The following PDE11A variants were observed in gnomAD, a reference collection of about 807,000 sequenced individuals.
PDE11A encodes dual 3',5'-cyclic-AMP and -GMP phosphodiesterase 11A.
A neutral mutation model predicts 100.5 loss-of-function variants in PDE11A; 100 were observed. That is an observed-to-expected ratio of 1.00 (90% CI 0.85 to 1.18). The LOEUF (loss-of-function observed/expected upper bound fraction) is 1.18. Among genes scored for constraint, PDE11A ranks in the 50% most tolerant of loss-of-function variants. The pLI, the probability that PDE11A is intolerant of heterozygous loss-of-function variation, is 0.00. For synonymous variants in PDE11A, 381 were observed against 420.8 expected (o/e 0.91, Z 1.16); for missense variants, 1,141 against 1,152.6 (o/e 0.99, Z 0.15).
chr2:178,071,748 G>A lies in PDE11A; in HGVS notation c.690C>T (p.Cys230=), dbSNP rs78496158. Residue 230 remains cysteine (C), a synonymous_variant, in exon 1 of 20, where the codon TGC becomes TGT. Transcript: ENST00000286063. ...SLSYKILIFV[C]LMVDADRCSL... is the part of the protein sequence containing the mutation. The stretch of plus-strand genomic sequence containing the variant: ...AGCAGCGGTCAGCATCCACCATAAG[G>A]CAGACAAAGATGAGAATCTTGTAGC... The A allele has an allele frequency of 0.027, 44,126 of 1,613,892 alleles. 759 individuals are homozygous for A. Among genetic ancestry groups the A allele is most frequent in the South Asian group, 0.043 (3,875 of 91,064 alleles).
At chr2:178,078,591 A>T (rs962512997) in intron 2 of PDE11A, among the ~76,000 whole-genome samples, 7 of 152,186 alleles carry the variant, frequency 4.6e-5, no homozygotes, top group Non-Finnish European at 8.8e-5. Flanking sequence ...GTCATGCCAT[A>T]AATGTTTTAC....
intron 1 of PDE11A, among the ~76,000 whole-genome samples, chr2:178,062,071 C>G (rs770316593): frequency 2.6e-5 from 4 of 152,166 alleles, no homozygotes; most frequent in African/African-American, 4.8e-5. Context: ...AAATCAGAGG[C>G]TGTTCCTCTT....
intron 10 of PDE11A, among the ~76,000 whole-genome samples, chr2:177,751,161 G>A (rs1195800971): frequency 6.6e-6 from 1 of 151,076 alleles, no homozygotes; most frequent in Non-Finnish European, 1.5e-5. Flanking sequence ...AAGCTCTGAT[G>A]TGTCTGAGAA....
chr2:178,070,078 G>A (rs1323064564), intron 1 of PDE11A, among the ~76,000 whole-genome samples: 3 of 152,018 alleles, frequency 2.0e-5, no homozygotes, highest in Non-Finnish European at 4.4e-5. Flanking sequence ...AATTTTTATA[G>A]AATCTTCAAC....
At chr2:177,789,102 C>A (rs2082588018) in intron 9 of PDE11A, among the ~76,000 whole-genome samples, 1 of 152,186 alleles carries the variant, frequency 6.6e-6, no homozygotes, top group African/African-American at 2.4e-5. Flanking sequence ...GAATTTTAGA[C>A]CAATATGCTT....
In PDE11A at chr2:177,623,392, A is replaced by T. The variant is rs771605050; in HGVS notation, c.*6015T>A. ...AATGAAACATCAGTCTGGGAAATCT[A>T]CACAAAGTGAATGATTTCAAACAAC... On this transcript the variant is annotated 3_prime_UTR_variant, in exon 20 of 20. Transcript: ENST00000286063. 24 of 152,234 alleles carry T rather than the reference A, an allele frequency of 1.6e-4. No homozygotes were observed. The highest frequency in any genetic ancestry group is 2.9e-4 in the Non-Finnish European group (20 of 68,040). The allele number at this position is 152,234 out of a possible 1,614,324, so 9.4% of individuals were successfully genotyped here.
At chr2:177,783,271 T>A (rs946430265) in intron 9 of PDE11A, among the ~76,000 whole-genome samples, 2 of 152,186 alleles carry the variant, frequency 1.3e-5, no homozygotes, top group African/African-American at 4.8e-5. Context: ...ACTCCTTCCT[T>A]AGTCTTAGTG....
At chr2:178,101,408 G>A (rs2087557829) in intron 2 of PDE11A, among the ~76,000 whole-genome samples, 1 of 152,180 alleles carries the variant, frequency 6.6e-6, no homozygotes, top group Non-Finnish European at 1.5e-5. Context: ...TGTTCACCAA[G>A]TAGGAAGCTC....
chr2:178,050,350 C>T (rs1159048981), intron 1 of PDE11A, among the ~76,000 whole-genome samples: 1 of 152,166 alleles, frequency 6.6e-6, no homozygotes, highest in African/African-American at 2.4e-5. Flanking sequence ...CCCATATGTA[C>T]ATCACCATCA....
At chr2:177,905,939 G>C (rs1386193333) in intron 2 of PDE11A, among the ~76,000 whole-genome samples, 2 of 152,186 alleles carry the variant, frequency 1.3e-5, no homozygotes, top group African/African-American at 2.4e-5. Context: ...TCTCATCATG[G>C]AGGTTTAGGC....
intron 3 of PDE11A, among the ~76,000 whole-genome samples, chr2:177,901,851 T>A (rs1425434877): frequency 6.6e-6 from 1 of 152,232 alleles, no homozygotes; most frequent in Non-Finnish European, 1.5e-5. Flanking sequence ...TGTGATTGCA[T>A]GGAGAGAGCC....
At position 177,695,993 on chromosome 2, in the gene PDE11A, T is replaced by G. The variant is rs565746952; in HGVS notation, c.2345+1339A>C. On this transcript the variant is annotated intron_variant, in intron 15 of 19. Transcript: ENST00000286063. ...ACAGGATTCGATGTGGGAATGGTGA[T>G]ACATCAGGGCACAGGGGGCATTACA... Among the ~76,000 whole-genome samples the G allele has an allele frequency of 7.9e-5, 12 of 152,244 alleles. No individual in the cohort carries two copies. The South Asian group carries it at 2.5e-3, about 32-fold the overall frequency.
At chr2:177,776,287 A>C (rs1335867256) in intron 9 of PDE11A, among the ~76,000 whole-genome samples, 1 of 152,172 alleles carries the variant, frequency 6.6e-6, no homozygotes, top group Non-Finnish European at 1.5e-5. Flanking sequence ...GTTTATCTGA[A>C]ATTCAAATGT....
chr2:177,748,027 A>G (rs1341500413), intron 10 of PDE11A, among the ~76,000 whole-genome samples: 1 of 152,182 alleles, frequency 6.6e-6, no homozygotes, highest in African/African-American at 2.4e-5. Context: ...GAATTTGCCA[A>G]CATTCAGGAT....
chr2:178,071,293 G>C (rs931935670), intron 1 of PDE11A, among the ~76,000 whole-genome samples: 1 of 152,104 alleles, frequency 6.6e-6, no homozygotes, highest in Non-Finnish European at 1.5e-5. Flanking sequence ...AGAAATACGT[G>C]GTGTTATTGG....
chr2:177,977,632 T>G (rs1402216149), intron 2 of PDE11A, among the ~76,000 whole-genome samples: 1 of 92,978 alleles, frequency 1.1e-5, no homozygotes. Flanking sequence ...CATTGCCAAG[T>G]CAATCCTAAG....
intron 2 of PDE11A, among the ~76,000 whole-genome samples, chr2:177,960,891 T>C (rs1014498017): frequency 1.3e-5 from 2 of 152,102 alleles, no homozygotes; most frequent in South Asian, 4.1e-4. Context: ...TCCCGACTGG[T>C]TGGTCTTTCA....
At position 177,626,867 on chromosome 2, in the gene PDE11A, T is replaced by C. The variant is rs1011617071; in HGVS notation, c.*2540A>G. Reference sequence around the variant, plus strand: ...CACCTTCATTTTTTTTGGTTGGAAGTGCCATTTTTCTTTGTTTGGATTGAC... The same window carrying C: ...CACCTTCATTTTTTTTGGTTGGAAGCGCCATTTTTCTTTGTTTGGATTGAC... On this transcript the variant is annotated 3_prime_UTR_variant, in exon 20 of 20. Transcript: ENST00000286063. 1 of 149,786 alleles carries C rather than the reference T, an allele frequency of 6.7e-6. No homozygotes were observed. The highest frequency in any genetic ancestry group is 1.5e-5 in the Non-Finnish European group (1 of 67,666). The allele number at this position is 149,786 out of a possible 1,614,324, so 9.3% of individuals were successfully genotyped here.
chr2:177,913,870 C>A (rs1344512153), intron 2 of PDE11A, among the ~76,000 whole-genome samples: 2 of 152,098 alleles, frequency 1.3e-5, no homozygotes, highest in Non-Finnish European at 2.9e-5. Context: ...CTGGACAATA[C>A]TTCTGTTTGA....
Sources: gnomAD v4.1 joint callset for allele counts (sites outside exome capture counted in the v4.1 genomes callset) on GRCh38, gnomAD v4.1.1 for gene constraint, MANE v1.5 for transcripts, NCBI Gene and HGNC (gene_info 2026-07-23, HGNC 2026-07-21) for gene names.